The following LRRC75B variants were observed in gnomAD, a reference collection of about 807,000 sequenced individuals.
LRRC75B encodes the protein leucine-rich repeat-containing protein 75B.
A neutral mutation model predicts 16.5 loss-of-function variants in LRRC75B; 20 were observed. The ratio of observed to expected loss-of-function variants is 1.21; its 90% CI spans 0.85 to 1.76. LRRC75B has a LOEUF of 1.76. Ranked by LOEUF, LRRC75B falls within the 40% of genes most tolerant of loss-of-function variation. The probability of loss-of-function intolerance (pLI) is 0.00; values close to 1 mark genes in which losing one functional copy is unlikely to be tolerated. For missense variants in LRRC75B, 406 were observed against 417.0 expected, an observed-to-expected ratio of 0.97 and a Z score of 0.23; for synonymous variants, 199 against 198.1, an observed-to-expected ratio of 1.00 and a Z score of -0.04.
chr22:24,589,911 G>A lies in LRRC75B; in HGVS notation c.216C>T (p.Leu72=), dbSNP rs548780747. 1.9e-6 allele frequency: 3 copies of A among 1,612,206 alleles called. No individual in the cohort carries two copies. The Admixed American group carries it at 5.0e-5, about 27-fold the overall frequency. ...GLERTLLPDI[L]YRDVAFLNPV... ...GGTTGAGGAAGGCCACATCTCTGTA[G>A]AGGATATCAGGAAGGAGGGTCCTCT... The change falls in exon 2 of 4, where the codon CTC becomes CTT. Residue 72 remains leucine (L), a synonymous_variant. Coordinates refer to ENST00000318753, the MANE Select transcript of LRRC75B (RefSeq NM_207644.3).
chr22:24,591,912 C>T (rs2045578460), intron 1 of LRRC75B, among the ~76,000 whole-genome samples: 1 of 152,246 alleles, frequency 6.6e-6, no homozygotes, highest in Non-Finnish European at 1.5e-5. Flanking sequence ...CCTGCTGAAT[C>T]CAGAGTTGGA....
intron 1 of LRRC75B, 137 bp downstream of exon 1, chr22:24,592,726 G>T: frequency 7.7e-7 from 1 of 1,298,640 alleles, no homozygotes; most frequent in Non-Finnish European, 9.9e-7. Flanking sequence ...GAACCCGCCT[G>T]CGCGCGCCAG....
rs1196364372 is a variant in LRRC75B, at chr22:24,592,942, C to G, written c.98G>C (p.Arg33Pro). 1.6e-6 allele frequency: 2 copies of G among 1,227,566 alleles called. No homozygotes were observed. Among genetic ancestry groups the G allele is most frequent in the African/African-American group, 1.6e-5 (1 of 63,484 alleles). The allele number at this position is 1,227,566 out of a possible 1,614,324, so 76.0% of individuals were successfully genotyped here. A position where few individuals can be genotyped will look rare whatever the true frequency, so the allele number is the denominator to read the frequency against. The part of the protein sequence containing the change: ...CGPAPYERRV[R>P]WLREIQSTLR... ...CGTGGACTGGATCTCGCGGAGCCAC[C>G]GCACCCGGCGCTCGTAGGGCGCGGG... Residue 33 changes from arginine to proline, a missense_variant, in exon 1 of 4, where the codon CGG becomes CCG. Physicochemically the swap from Arg to Pro is moderately radical, Grantham distance 103. Coordinates refer to ENST00000318753, the MANE Select transcript of LRRC75B (RefSeq NM_207644.3).
chr22:24,588,346 T>A lies in LRRC75B; in HGVS notation c.307-17A>T. 6.3e-7 allele frequency: 1 copy of A among 1,593,350 alleles called. No individual in the cohort carries two copies. Among genetic ancestry groups the A allele is most frequent in the Non-Finnish European group, 8.6e-7 (1 of 1,163,430 alleles). ...CTCATAGTCCTGTGGGAGGGCAGTG[T>A]CACCATGGTGAATCTGAGCCCCTCC... On this transcript the variant is annotated splice_polypyrimidine_tract_variant and intron_variant, in intron 2 of 3. Transcript: ENST00000318753.
Sources: gnomAD v4.1 joint callset for allele counts (sites outside exome capture counted in the v4.1 genomes callset) on GRCh38, gnomAD v4.1.1 for gene constraint, MANE v1.5 for transcripts, NCBI Gene and HGNC (gene_info 2026-07-23, HGNC 2026-07-21) for gene names.